The following RFX3 variants were observed in gnomAD, a reference collection of about 807,000 sequenced individuals.
The protein encoded by RFX3 is regulatory factor X3, also known as transcription factor RFX3.
RFX3 carries 14 observed loss-of-function variants against 98.6 expected under a neutral mutation model. That is an observed-to-expected ratio of 0.14 (90% CI 0.09 to 0.22). RFX3 has a LOEUF of 0.22. RFX3 is among the 10% of genes least tolerant of loss of function. RFX3 has a pLI of 1.00. For synonymous variants in RFX3, 383 were observed against 328.4 expected (o/e 1.17, Z -1.80); for missense variants, 639 against 926.9 (o/e 0.69, Z 4.03).
At chr9:3,249,982 C>A (rs866136333) in intron 14 of RFX3, among the ~76,000 whole-genome samples, 47 of 151,940 alleles carry the variant, frequency 3.1e-4, no homozygotes, top group African/African-American at 1.1e-3. Context: ...CATTTGCATG[C>A]CAACATATAT....
chr9:3,512,765 TA>T (rs1817774744), intron 1 of RFX3, among the ~76,000 whole-genome samples: 1 of 152,044 alleles, frequency 6.6e-6, no homozygotes, highest in African/African-American at 2.4e-5. Flanking sequence ...AAAATCACAG[TA>T]AAGATTTTAA....
chr9:3,372,284 G>A (rs765913974), intron 2 of RFX3, among the ~76,000 whole-genome samples: 1 of 152,108 alleles, frequency 6.6e-6, no homozygotes, highest in Non-Finnish European at 1.5e-5. Context: ...CTGAGATGTG[G>A]GATAATACTG....
chr9:3,395,195 A>G (rs1003046222), intron 2 of RFX3, among the ~76,000 whole-genome samples: 3 of 152,246 alleles, frequency 2.0e-5, no homozygotes, highest in African/African-American at 7.2e-5. Context: ...TTGAGTGGTC[A>G]TATCAGAAAA....
intron 3 of RFX3, among the ~76,000 whole-genome samples, 159 bp downstream of exon 3, chr9:3,346,508 T>A (rs1043874608): frequency 6.0e-5 from 9 of 150,386 alleles, no homozygotes; most frequent in African/African-American, 2.2e-4. Flanking sequence ...TTAATAAATA[T>A]AGACAAAAGC....
chr9:3,320,768 CATATATATATATATATATATAT>C lies in RFX3; in HGVS notation c.474+9469_474+9490del, dbSNP rs34990458. ...TATACATATAATGCATGCTACATAG[CATATATATATATATATATATAT>C]ATATATATATATATATATATAGCCT... is the stretch of plus-strand genomic sequence containing the variant. On this transcript the variant is annotated intron_variant, in intron 4 of 16. Coordinates refer to ENST00000617270, the MANE Select transcript of RFX3 (RefSeq NM_001282116.2). Among the ~76,000 whole-genome samples, 77 of 85,892 alleles carry C rather than the reference CATATATATATATATATATATAT, an allele frequency of 9.0e-4. 1 individual carries two copies. Among genetic ancestry groups the C allele is most frequent in the Middle Eastern group, 0.013 (2 of 156 alleles). 56.3% of individuals were successfully genotyped at this position (85,892 alleles called of 152,430 possible).
chr9:3,505,204 ATATATATGAATATATATT>A (rs1289503108), intron 1 of RFX3, among the ~76,000 whole-genome samples: 5,333 of 53,298 alleles, frequency 0.1, 213 homozygotes, highest in Middle Eastern at 0.13. Flanking sequence ...ATATATTTAT[ATATATATGAATATATATT>A]TATATATGAA....
chr9:3,371,471 G>T (rs1253768207), intron 2 of RFX3, among the ~76,000 whole-genome samples: 1 of 152,048 alleles, frequency 6.6e-6, no homozygotes, highest in East Asian at 1.9e-4. Flanking sequence ...TGACTTTGGG[G>T]ATAATTTCAG....
At chr9:3,466,327 C>T (rs1166397929) in intron 1 of RFX3, among the ~76,000 whole-genome samples, 2 of 152,128 alleles carry the variant, frequency 1.3e-5, no homozygotes, top group Non-Finnish European at 2.9e-5. Context: ...TAGCTCCATG[C>T]TCCTTGTCTT....
intron 2 of RFX3, among the ~76,000 whole-genome samples, chr9:3,357,935 G>A (rs1835968218): frequency 6.6e-6 from 1 of 151,988 alleles, no homozygotes; most frequent in Admixed American, 6.6e-5. Context: ...TCCCACAAGA[G>A]ACTATTTCTT....
At chr9:3,377,450 G>A (rs1187543736) in intron 2 of RFX3, among the ~76,000 whole-genome samples, 1 of 152,066 alleles carries the variant, frequency 6.6e-6, no homozygotes, top group African/African-American at 2.4e-5. Context: ...GTCATGGGGT[G>A]AGGGGAAGGG....
At chr9:3,319,169 A>G (rs578000299) in intron 4 of RFX3, among the ~76,000 whole-genome samples, 5 of 152,360 alleles carry the variant, frequency 3.3e-5, no homozygotes, top group Admixed American at 3.3e-4. Context: ...TCACTAAAAC[A>G]GGCTTTTAAA....
intron 2 of RFX3, among the ~76,000 whole-genome samples, chr9:3,358,296 T>C (rs1836008973): frequency 6.6e-6 from 1 of 152,086 alleles, no homozygotes; most frequent in Non-Finnish European, 1.5e-5. Context: ...TAAACAAGAG[T>C]CTTGTCTTTA....
intron 1 of RFX3, among the ~76,000 whole-genome samples, chr9:3,493,913 T>A (rs1183261945): frequency 2.6e-5 from 4 of 151,430 alleles, no homozygotes; most frequent in Non-Finnish European, 4.4e-5. Context: ...CCAATAAACC[T>A]CCAAAACAAC....
intron 1 of RFX3, among the ~76,000 whole-genome samples, chr9:3,476,894 C>G (rs1849313291): frequency 6.6e-6 from 1 of 152,064 alleles, no homozygotes; most frequent in Admixed American, 6.5e-5. Context: ...CCTAGCTCCA[C>G]CACTTACTAC....
intron 4 of RFX3, among the ~76,000 whole-genome samples, chr9:3,304,578 T>C (rs978954122): frequency 5.9e-5 from 9 of 152,060 alleles, no homozygotes; most frequent in Non-Finnish European, 1.2e-4. Flanking sequence ...GGGAGGTAAC[T>C]GAATCATGGG....
Position 3,218,580 on chromosome 9 carries a change from A to T in RFX3, c.*6462T>A, listed in dbSNP as rs1378345944. On this transcript the variant is annotated 3_prime_UTR_variant, in exon 17 of 17. Coordinates refer to ENST00000617270, the MANE Select transcript of RFX3 (RefSeq NM_001282116.2). ...TTGAGAGGACATGATATACTAAAAG[A>T]TTTAGCATTTCTCACAAAAATCACA... 6.6e-6 allele frequency: 1 copy of T among 152,210 alleles called. No homozygotes were observed. The highest frequency in any genetic ancestry group is 1.5e-5 in the Non-Finnish European group (1 of 68,022). 9.4% of individuals were successfully genotyped at this position (152,210 alleles called of 1,614,324 possible). A position where few individuals can be genotyped will look rare whatever the true frequency, so the allele number is the denominator to read the frequency against.
At chr9:3,339,902 C>T (rs937852428) in intron 3 of RFX3, among the ~76,000 whole-genome samples, 2 of 152,048 alleles carry the variant, frequency 1.3e-5, no homozygotes, top group African/African-American at 4.8e-5. Context: ...GAAAAAACTA[C>T]TTTAAAGTTC....
At chr9:3,424,110 A>T (rs189501509) in intron 1 of RFX3, among the ~76,000 whole-genome samples, 1 of 150,086 alleles carries the variant, frequency 6.7e-6, no homozygotes, top group Non-Finnish European at 1.5e-5. Flanking sequence ...TCGCGCCACT[A>T]CACTCCAGCC....
chr9:3,418,412 C>T (rs752529214), intron 1 of RFX3, among the ~76,000 whole-genome samples: 1 of 151,852 alleles, frequency 6.6e-6, no homozygotes, highest in Non-Finnish European at 1.5e-5. Flanking sequence ...TGGAGTCTTG[C>T]TCTGTCACCC....
Sources: allele counts gnomAD v4.1 joint callset (sites outside exome capture counted in the v4.1 genomes callset), GRCh38; gene constraint gnomAD v4.1.1; transcripts MANE v1.5; gene names NCBI Gene and HGNC (gene_info 2026-07-23, HGNC 2026-07-21).